The following SMYD3 variants were observed in gnomAD, a reference collection of about 807,000 sequenced individuals.
SMYD3 encodes the protein SET and MYND domain containing 3.
SMYD3 carries 36 observed loss-of-function variants against 57.7 expected under a neutral mutation model. The ratio of observed to expected loss-of-function variants is 0.62; its 90% CI spans 0.48 to 0.82. The LOEUF is 0.82. Among genes scored for constraint, SMYD3 ranks in the 40% least tolerant of loss-of-function variants. The pLI is 0.00. For synonymous variants in SMYD3, 211 were observed against 195.0 expected (o/e 1.08, Z -0.68); for missense variants, 515 against 538.8 (o/e 0.96, Z 0.44).
intron 4 of SMYD3, among the ~76,000 whole-genome samples, chr1:246,329,589 T>C (rs2065424840): frequency 6.6e-6 from 1 of 152,196 alleles, no homozygotes; most frequent in South Asian, 2.1e-4. Flanking sequence ...TTCTGGATAT[T>C]AGCCCTTTGT....
At chr1:246,338,295 A>C (rs752131801) in intron 2 of SMYD3, among the ~76,000 whole-genome samples, 15 of 152,230 alleles carry the variant, frequency 9.9e-5, no homozygotes, top group Non-Finnish European at 1.8e-4. Context: ...CTTACAAAGA[A>C]ATCTTTTTAC....
chr1:246,467,902 G>A (rs909698470), intron 1 of SMYD3, among the ~76,000 whole-genome samples: 4 of 152,088 alleles, frequency 2.6e-5, no homozygotes, highest in African/African-American at 9.7e-5. Context: ...ATCAAAAAGA[G>A]CACTCACCAG....
chr1:246,111,743 G>A (rs1440944761), intron 5 of SMYD3, among the ~76,000 whole-genome samples: 1 of 152,210 alleles, frequency 6.6e-6, no homozygotes, highest in African/African-American at 2.4e-5. Flanking sequence ...CATAATGACA[G>A]CTATCTGGAG....
At chr1:245,970,173 C>A (rs1250831485) in intron 5 of SMYD3, among the ~76,000 whole-genome samples, 2 of 152,214 alleles carry the variant, frequency 1.3e-5, no homozygotes, top group Non-Finnish European at 2.9e-5. Flanking sequence ...CTACAACCAT[C>A]TGATCTTTGA....
chr1:245,950,441 C>A (rs2057587767), intron 5 of SMYD3, among the ~76,000 whole-genome samples: 1 of 152,148 alleles, frequency 6.6e-6, no homozygotes, highest in Non-Finnish European at 1.5e-5. Flanking sequence ...ACAGCAGGAT[C>A]TGAGTACAGG....
At chr1:245,987,584 A>C (rs2058728598) in intron 5 of SMYD3, among the ~76,000 whole-genome samples, 1 of 152,240 alleles carries the variant, frequency 6.6e-6, no homozygotes. Flanking sequence ...CGTTTTCTTA[A>C]CTTATTCCTC....
rs2062944253 is a variant in SMYD3 at position 246,203,042 on chromosome 1, T to G, written c.531+124159A>C. ...CAGGAGGCTGAGACAGGAGAATCAC[T>G]TCAACCTGGGAGGGTGAGGTTGCAC... On this transcript the variant is annotated intron_variant, in intron 5 of 11. Coordinates refer to ENST00000490107, the MANE Select transcript of SMYD3 (RefSeq NM_001167740.2). This position sits in a 1 kb window ranked among gnomAD's most constrained non-coding sequence, Gnocchi z 4.6. Among the ~76,000 whole-genome samples the G allele has an allele frequency of 6.6e-6, 1 of 152,030 alleles. No homozygotes were observed. Among genetic ancestry groups the G allele is most frequent in the South Asian group, 2.1e-4 (1 of 4,822 alleles).
At chr1:245,770,060 G>C (rs139256498) in intron 10 of SMYD3, among the ~76,000 whole-genome samples, 1 of 152,324 alleles carries the variant, frequency 6.6e-6, no homozygotes, top group East Asian at 1.9e-4. Flanking sequence ...AGCAATGGTG[G>C]AGTAGCTTAT....
rs144100447 is a variant in SMYD3, at chr1:246,225,622, C to CA, written c.531+101578dup. The stretch of plus-strand genomic sequence containing the variant: ...GGTGACAACAGAAGTTACGGAAAGA[C>CA]AGTGTCTCTGGAGCATCTGTAATCA... On this transcript the variant is annotated intron_variant, in intron 5 of 11. Coordinates refer to ENST00000490107, the MANE Select transcript of SMYD3 (RefSeq NM_001167740.2). Among the ~76,000 whole-genome samples, 1,353 of 152,284 alleles carry CA rather than the reference C, an allele frequency of 8.9e-3. 17 individuals carry two copies. Among genetic ancestry groups the CA allele is most frequent in the African/African-American group, 0.031 (1,275 of 41,546 alleles).
intron 7 of SMYD3, among the ~76,000 whole-genome samples, chr1:245,918,097 A>G (rs1307538514): frequency 1.3e-5 from 2 of 152,222 alleles, no homozygotes; most frequent in East Asian, 1.9e-4. Context: ...CCAACGGGAC[A>G]GGAGTCACAG....
chr1:245,963,171 G>A (rs1422253217), intron 5 of SMYD3, among the ~76,000 whole-genome samples: 1 of 152,080 alleles, frequency 6.6e-6, no homozygotes, highest in African/African-American at 2.4e-5. Context: ...ACACATTTGA[G>A]ATGCTAGATA....
intron 5 of SMYD3, among the ~76,000 whole-genome samples, chr1:246,273,165 G>T (rs554940380): frequency 4.0e-4 from 21 of 52,862 alleles, no homozygotes; most frequent in Non-Finnish European, 6.2e-4. Flanking sequence ...TTTTTTTGGG[G>T]GGGGGACAGA....
intron 1 of SMYD3, among the ~76,000 whole-genome samples, chr1:246,453,103 G>A (rs1204619764): frequency 2.6e-5 from 4 of 152,028 alleles, no homozygotes; most frequent in Non-Finnish European, 2.9e-5. Context: ...TCATATAATC[G>A]TCATAATAAT....
chr1:245,796,610 G>A (rs1345203649), intron 10 of SMYD3, among the ~76,000 whole-genome samples: 1 of 152,168 alleles, frequency 6.6e-6, no homozygotes, highest in African/African-American at 2.4e-5. Context: ...CACTGGAAAT[G>A]TGAGTATCAG....
chr1:246,501,856 A>T (rs111714915), intron 1 of SMYD3, among the ~76,000 whole-genome samples: 2,452 of 152,298 alleles, frequency 0.016, 73 homozygotes, highest in African/African-American at 0.056. Context: ...TCACGAGGCA[A>T]TTTATGCTTC....
At chr1:245,847,048 C>T (rs80175630) in intron 10 of SMYD3, among the ~76,000 whole-genome samples, 1,674 of 152,338 alleles carry the variant, frequency 0.011, 16 homozygotes, top group Middle Eastern at 0.02. Context: ...AAGGCTATGG[C>T]TGGCCACCCT....
intron 5 of SMYD3, among the ~76,000 whole-genome samples, chr1:246,154,938 C>T (rs566475861): frequency 2.6e-5 from 4 of 152,036 alleles, no homozygotes; most frequent in East Asian, 3.9e-4. Flanking sequence ...CCTACCACCA[C>T]GCCTGGCTAA....
At chr1:246,179,567 C>A (rs2062498103) in intron 5 of SMYD3, among the ~76,000 whole-genome samples, 1 of 152,136 alleles carries the variant, frequency 6.6e-6, no homozygotes, top group Admixed American at 6.5e-5. Flanking sequence ...TATTCGGATT[C>A]ACTAGATCCC....
intron 5 of SMYD3, among the ~76,000 whole-genome samples, chr1:246,062,440 T>C (rs889954470): frequency 2.0e-5 from 3 of 152,190 alleles, no homozygotes; most frequent in African/African-American, 7.2e-5. Context: ...AATCTTGGTT[T>C]TAAACATCTT....
Sources: gnomAD v4.1 joint callset for allele counts (sites outside exome capture counted in the v4.1 genomes callset) on GRCh38, gnomAD v4.1.1 for gene constraint, Gnocchi (gnomAD v3.1) non-coding constraint, MANE v1.5 for transcripts, NCBI Gene and HGNC (gene_info 2026-07-23, HGNC 2026-07-21) for gene names.